SNRNP40: variants seen among roughly 807,000 people sequenced by gnomAD.
SNRNP40 encodes small nuclear ribonucleoprotein U5 subunit 40, also known as U5 small nuclear ribonucleoprotein 40 kDa protein.
In SNRNP40, 21 loss-of-function variants were observed where a neutral mutation model predicts 45.8. The ratio of observed to expected loss-of-function variants is 0.46; its 90% CI spans 0.32 to 0.66. The LOEUF is 0.66. SNRNP40 is among the 30% of genes least tolerant of loss of function. The pLI is 0.03. For synonymous variants in SNRNP40, 142 were observed against 163.8 expected (o/e 0.87, Z 1.01); for missense variants, 344 against 439.1 (o/e 0.78, Z 1.94).
intron 6 of SNRNP40, chr1:31,269,543 C>A (rs150868418): frequency 2.8e-5 from 14 of 503,152 alleles, no homozygotes; most frequent in African/African-American, 2.8e-4. Context: ...AGATATTTTG[C>A]AAGATTTCTC....
intron 4 of SNRNP40, among the ~76,000 whole-genome samples, chr1:31,287,420 A>G (rs1456057647): frequency 6.6e-6 from 1 of 152,236 alleles, no homozygotes; most frequent in Non-Finnish European, 1.5e-5. Flanking sequence ...AACCAAAAGA[A>G]GGCAGACAGA....
At chr1:31,260,654 GAGTT>G (rs1228482590) in intron 9 of SNRNP40, among the ~76,000 whole-genome samples, 2 of 151,716 alleles carry the variant, frequency 1.3e-5, no homozygotes, top group African/African-American at 4.8e-5. Flanking sequence ...CAGAGGTCAG[GAGTT>G]TGAGACCAGC....
At chr1:31,261,679 G>A (rs1193878330) in intron 8 of SNRNP40, 47 bp from the exon 9 acceptor site, 2 of 1,247,292 alleles carry the variant, frequency 1.6e-6, no homozygotes, top group African/African-American at 1.5e-5. Flanking sequence ...TAGAGCTGGG[G>A]GTAGGACAGA....
intron 6 of SNRNP40, 118 bp downstream of exon 6, chr1:31,271,261 T>G: frequency 9.6e-7 from 1 of 1,040,626 alleles, no homozygotes; most frequent in Non-Finnish European, 1.4e-6. Flanking sequence ...TCCTAGATTC[T>G]TGACTATCTC....
At chr1:31,281,873 C>T (rs1646018811) in intron 4 of SNRNP40, 1 of 157,492 alleles carries the variant, frequency 6.3e-6, no homozygotes, top group South Asian at 1.9e-4. Context: ...CTGCAACCCA[C>T]ATTTAAAAAA....
chr1:31,275,547 G>A (rs1569648775), intron 5 of SNRNP40, among the ~76,000 whole-genome samples: 1 of 152,034 alleles, frequency 6.6e-6, no homozygotes, highest in Non-Finnish European at 1.5e-5. Context: ...GTGCCACCAC[G>A]CGCAGCTAAT....
rs147325080 is a variant in SNRNP40, at chr1:31,268,845, A to G, written c.858+313T>C. ...ACAGCTATGGGAGCTTGGGTTCCAT[A>G]TGGAAAACTGATTTAGGAGGGTAAA... On this transcript the variant is annotated intron_variant, in intron 7 of 9. Coordinates refer to ENST00000263694, the MANE Select transcript of SNRNP40 (RefSeq NM_004814.3). 1.3e-3 allele frequency among the ~76,000 whole-genome samples: 200 copies of G among 152,296 alleles called. 1 individual carries two copies. The highest frequency in any genetic ancestry group is 4.7e-3 in the African/African-American group (194 of 41,572).
intron 4 of SNRNP40, among the ~76,000 whole-genome samples, chr1:31,285,237 A>T: frequency 7.2e-6 from 1 of 138,710 alleles, no homozygotes; most frequent in East Asian, 2.0e-4. Context: ...CCAATGCCTT[A>T]TCACCTTTTT....
At chr1:31,289,882 T>C (rs779992637) in intron 3 of SNRNP40, among the ~76,000 whole-genome samples, 4 of 151,588 alleles carry the variant, frequency 2.6e-5, no homozygotes, top group Non-Finnish European at 4.4e-5. Flanking sequence ...TTTCTTTCAT[T>C]TTTTTTTTGA....
chr1:31,269,086 A>G, intron 7 of SNRNP40, 72 bp downstream of exon 7: 1 of 1,377,412 alleles, frequency 7.3e-7, no homozygotes, highest in Non-Finnish European at 9.8e-7. Flanking sequence ...ACTGCTCTCT[A>G]TCCTTAGTAC....
At chr1:31,264,442 C>T (rs987684020) in intron 8 of SNRNP40, among the ~76,000 whole-genome samples, 1 of 152,124 alleles carries the variant, frequency 6.6e-6, no homozygotes, top group Non-Finnish European at 1.5e-5. Flanking sequence ...GACTGGGGTT[C>T]AAGTCTCAGT....
chr1:31,296,509 T>C (rs569913989), intron 1 of SNRNP40, 102 bp downstream of exon 1: 3 of 1,412,902 alleles, frequency 2.1e-6, no homozygotes, highest in Admixed American at 2.3e-5. Flanking sequence ...AAACTCTCGT[T>C]CTGCCCCCGC....
chr1:31,289,138 G>T, intron 4 of SNRNP40, 116 bp downstream of exon 4: 1 of 853,890 alleles, frequency 1.2e-6, no homozygotes, highest in Non-Finnish European at 1.8e-6. Context: ...AGTGTGTTAT[G>T]GGAGATGACT....
At chr1:31,296,514 C>T in intron 1 of SNRNP40, 97 bp downstream of exon 1, 3 of 1,419,874 alleles carry the variant, frequency 2.1e-6, no homozygotes, top group Non-Finnish European at 1.9e-6. Context: ...CTCGTTCTGC[C>T]CCCGCAATGC....
intron 8 of SNRNP40, among the ~76,000 whole-genome samples, chr1:31,262,247 TGGTGGC>T (rs1480118628): frequency 6.6e-6 from 1 of 151,294 alleles, no homozygotes; most frequent in Non-Finnish European, 1.5e-5. Flanking sequence ...AGGCTGGGAG[TGGTGGC>T]TCATGCCTGT....
chr1:31,280,141 C>T (rs1401090536), intron 5 of SNRNP40, among the ~76,000 whole-genome samples: 2 of 145,510 alleles, frequency 1.4e-5, no homozygotes, highest in Admixed American at 1.4e-4. Flanking sequence ...AAAAGGACTA[C>T]CTTTAGACAA....
chr1:31,281,397 C>A lies in SNRNP40; in HGVS notation c.631G>T (p.Gly211Cys). The A allele has an allele frequency of 6.3e-7, 1 of 1,597,980 alleles. No individual in the cohort carries two copies. Among genetic ancestry groups the A allele is most frequent in the Non-Finnish European group, 8.6e-7 (1 of 1,167,152 alleles). ...FNDTSDQIIS[G>C]GIDNDIKVWD... ...ACCTTGATATCATTGTCTATTCCAC[C>A]AGAAATAATCTGATCACTTGTGTCA... Residue 211 changes from glycine to cysteine, a missense_variant, in exon 5 of 10, where the codon GGT becomes TGT. Transcript: ENST00000263694.
In SNRNP40 at chr1:31,296,613, C is replaced by A; in HGVS notation, c.139G>T (p.Ala47Ser). 1 of 1,609,088 alleles carries A rather than the reference C, an allele frequency of 6.2e-7. No individual in the cohort carries two copies. The highest frequency in any genetic ancestry group is 8.5e-7 in the Non-Finnish European group (1 of 1,177,932). The change falls in exon 1 of 10, where the codon GCG (alanine) becomes TCG (serine). Residue 47 changes from alanine to serine, a missense_variant and splice_region_variant. By Grantham distance (99) the Ala-to-Ser change is moderately conservative (BLOSUM62 1). This residue lies in a region of SNRNP40 where 90 missense variants were observed against 58.9 expected (regional missense o/e 1.53). Coordinates refer to ENST00000263694, the MANE Select transcript of SNRNP40 (RefSeq NM_004814.3). ...AGGCCGCCTGCTTCTTCACTTACCG[C>A]TTGCAGCAAGGCTCCCGGCGTCGCC... ...QQATPGALLQ[A>S]GPPRCSSLQA...
At chr1:31,263,965 C>T (rs2148379782) in intron 8 of SNRNP40, among the ~76,000 whole-genome samples, 1 of 146,360 alleles carries the variant, frequency 6.8e-6, no homozygotes. Flanking sequence ...TTGCTTAAGT[C>T]ATTAAAGGGT....
Sources: allele counts gnomAD v4.1 joint callset (sites outside exome capture counted in the v4.1 genomes callset), GRCh38; gene constraint gnomAD v4.1.1; regional missense constraint gnomAD v4.1.1; transcripts MANE v1.5; gene names NCBI Gene and HGNC (gene_info 2026-07-23, HGNC 2026-07-21).